Variants in THSD7A observed in about 807,000 individuals in gnomAD.
The protein encoded by THSD7A is thrombospondin type 1 domain containing 7A.
THSD7A carries 96 observed loss-of-function variants against 231.3 expected under a neutral mutation model. The ratio of observed to expected loss-of-function variants is 0.41; its 90% CI spans 0.35 to 0.49. The LOEUF is 0.49. Among genes scored for constraint, THSD7A ranks in the 20% least tolerant of loss-of-function variants. THSD7A has a pLI of 0.05. For synonymous variants in THSD7A, 940 were observed against 743.3 expected (o/e 1.26, Z -4.30); for missense variants, 2,290 against 2,070.2 (o/e 1.11, Z -2.06).
At chr7:11,643,092 T>G (rs1782147644) in intron 1 of THSD7A, among the ~76,000 whole-genome samples, 3 of 152,060 alleles carry the variant, frequency 2.0e-5, no homozygotes, top group Admixed American at 2.0e-4. Flanking sequence ...GAGAACTACT[T>G]TTTGTGCTTG....
intron 1 of THSD7A, among the ~76,000 whole-genome samples, chr7:11,682,673 C>T (rs1038132216): frequency 4.6e-5 from 7 of 152,004 alleles, no homozygotes; most frequent in African/African-American, 1.7e-4. Context: ...ACTTCAACAT[C>T]CTATTGACAG....
chr7:11,570,340 G>C (rs1790570105), intron 4 of THSD7A, among the ~76,000 whole-genome samples: 3 of 152,194 alleles, frequency 2.0e-5, no homozygotes, highest in Non-Finnish European at 2.9e-5. Context: ...AGTTACCAGA[G>C]ACAGAGAAGG....
chr7:11,588,216 T>C (rs1162420540), intron 4 of THSD7A, among the ~76,000 whole-genome samples: 4 of 152,190 alleles, frequency 2.6e-5, no homozygotes, highest in Non-Finnish European at 2.9e-5. Flanking sequence ...CATTCACACA[T>C]ATTTATAGAC....
intron 13 of THSD7A, among the ~76,000 whole-genome samples, chr7:11,441,653 T>C (rs1446888011): frequency 1.3e-5 from 2 of 152,038 alleles, no homozygotes; most frequent in Non-Finnish European, 2.9e-5. Flanking sequence ...ATATTACACA[T>C]TTTTTATTCA....
At chr7:11,589,757 G>A (rs766671006) in intron 4 of THSD7A, among the ~76,000 whole-genome samples, 1 of 152,268 alleles carries the variant, frequency 6.6e-6, no homozygotes, top group East Asian at 1.9e-4. Flanking sequence ...GTGAACTTAA[G>A]ATGTACTAAT....
At chr7:11,766,979 T>C (rs1311978843) in intron 1 of THSD7A, among the ~76,000 whole-genome samples, 1 of 152,190 alleles carries the variant, frequency 6.6e-6, no homozygotes, top group Non-Finnish European at 1.5e-5. Flanking sequence ...AAGGTCTTTG[T>C]TTCTAGAAAA....
In THSD7A at chr7:11,383,292, T is replaced by C. The variant is rs368352589; in HGVS notation, c.4412-676A>G. Among the ~76,000 whole-genome samples the C allele has an allele frequency of 1.1e-3, 170 of 152,188 alleles. 1 individual carries two copies. Among genetic ancestry groups the C allele is most frequent in the African/African-American group, 4.1e-3 (170 of 41,562 alleles). ...TACTTCTAAGTGATTTTAAAAAATG[T>C]AGTACAGTCAGTTTATTTTAACGGC... On this transcript the variant is annotated intron_variant, in intron 23 of 27. Transcript: ENST00000423059.
rs1783781694 is a variant in THSD7A, at chr7:11,411,401, C to T, written c.3683-79G>A. ...AAATGAAACTCTGATGACCTGAATC[C>T]CATATTTAATTCACAACTGCTTCCT... is the stretch of plus-strand genomic sequence containing the variant. On this transcript the variant is annotated intron_variant, in intron 18 of 27. Coordinates refer to ENST00000423059, the MANE Select transcript of THSD7A (RefSeq NM_015204.3). The surrounding 1 kb of genome is among the most constrained non-coding windows in gnomAD (Gnocchi z 4.1). 13 of 951,864 alleles carry T rather than the reference C, an allele frequency of 1.4e-5. No individual in the cohort carries two copies. The highest frequency in any genetic ancestry group is 2.1e-5 in the Non-Finnish European group (13 of 618,264). The allele number at this position is 951,864 out of a possible 1,614,324, so 59.0% of individuals were successfully genotyped here. A position where few individuals can be genotyped will look rare whatever the true frequency, so the allele number is the denominator to read the frequency against.
chr7:11,665,328 A>T (rs1783088749), intron 1 of THSD7A, among the ~76,000 whole-genome samples: 1 of 152,106 alleles, frequency 6.6e-6, no homozygotes, highest in Non-Finnish European at 1.5e-5. Context: ...TGCCAGCTGT[A>T]GAACAGCTTT....
intron 1 of THSD7A, among the ~76,000 whole-genome samples, chr7:11,803,885 C>T (rs987789053): frequency 6.6e-6 from 1 of 151,990 alleles, no homozygotes; most frequent in African/African-American, 2.4e-5. Flanking sequence ...GGATAAAAAC[C>T]AGTGCTCTAT....
Position 11,733,211 on chromosome 7 carries a change from A to C in THSD7A, c.191-96250T>G, listed in dbSNP as rs1781797124. Among the ~76,000 whole-genome samples the C allele has an allele frequency of 2.0e-5, 3 of 151,856 alleles. No homozygotes were observed. The South Asian group carries it at 6.2e-4, about 31-fold the overall frequency. ...CCTATTGAAGCAACTGAATGACAGG[A>C]ATGAGTCTTACATACTCATGGACTG... On this transcript the variant is annotated intron_variant, in intron 1 of 27. Coordinates refer to ENST00000423059, the MANE Select transcript of THSD7A (RefSeq NM_015204.3).
chr7:11,495,080 G>A (rs1019577784), intron 6 of THSD7A, among the ~76,000 whole-genome samples: 1 of 151,916 alleles, frequency 6.6e-6, no homozygotes, highest in African/African-American at 2.4e-5. Context: ...ATGCTTTTAT[G>A]GGCAACTTGA....
intron 9 of THSD7A, among the ~76,000 whole-genome samples, chr7:11,465,046 C>T (rs1203388961): frequency 2.0e-5 from 3 of 152,120 alleles, no homozygotes; most frequent in African/African-American, 7.2e-5. Flanking sequence ...TCATCATCCC[C>T]TGCTTGTATT....
chr7:11,395,788 A>C (rs1349066419), intron 23 of THSD7A, among the ~76,000 whole-genome samples: 1 of 152,110 alleles, frequency 6.6e-6, no homozygotes, highest in Non-Finnish European at 1.5e-5. Context: ...GGCCTCCCAA[A>C]GTGCTGGGAT....
intron 4 of THSD7A, 113 bp from the exon 5 acceptor site, chr7:11,543,230 A>C: frequency 1.1e-6 from 1 of 872,302 alleles, no homozygotes; most frequent in Non-Finnish European, 1.7e-6. Flanking sequence ...AGTGCTACCA[A>C]GACATTATTC....
Position 11,667,118 on chromosome 7 carries a change from T to C in THSD7A, c.191-30157A>G, listed in dbSNP as rs941281813. 3.3e-5 allele frequency among the ~76,000 whole-genome samples: 5 copies of C among 152,080 alleles called. No individual in the cohort carries two copies. The East Asian group carries it at 9.7e-4, about 29-fold the overall frequency. On this transcript the variant is annotated intron_variant, in intron 1 of 27. Transcript: ENST00000423059. The stretch of plus-strand genomic sequence containing the variant: ...TTTTTGATTACATGGATAAGTTCGT[T>C]AGTGGTGATGATTTCTGACATTTAA...
chr7:11,432,555 C>T (rs1326551589), intron 13 of THSD7A, among the ~76,000 whole-genome samples: 3 of 152,010 alleles, frequency 2.0e-5, no homozygotes, highest in Non-Finnish European at 4.4e-5. Flanking sequence ...TCATGTAAAT[C>T]GAATCATATA....
intron 6 of THSD7A, among the ~76,000 whole-genome samples, chr7:11,507,297 A>G (rs1260243399): frequency 6.6e-6 from 1 of 152,162 alleles, no homozygotes; most frequent in African/African-American, 2.4e-5. Context: ...AATTTCTAAT[A>G]TAAAGCCTTA....
In THSD7A at chr7:11,593,348, T is replaced by G. The variant is rs773655474; in HGVS notation, c.1177A>C (p.Arg393=). The change falls in exon 3 of 28, where the codon AGG becomes CGG. Residue 393 remains arginine, a synonymous_variant. Coordinates refer to ENST00000423059, the MANE Select transcript of THSD7A (RefSeq NM_015204.3). Reference sequence around the variant, plus strand: ...TTTTCACTGCCAATGGGAAACTGCCTGATGGTTCGTGTCCTTACACGAGTG... The same window carrying G: ...TTTTCACTGCCAATGGGAAACTGCCGGATGGTTCGTGTCCTTACACGAGTG... ...AGTRVRTRTI[R]QFPIGSEKEC... is the part of the protein sequence containing the mutation. 4.3e-6 allele frequency: 7 copies of G among 1,613,908 alleles called. No individual in the cohort carries two copies. The Admixed American group carries it at 1.0e-4, about 23-fold the overall frequency.
Sources: allele counts gnomAD v4.1 joint callset (sites outside exome capture counted in the v4.1 genomes callset), GRCh38; gene constraint gnomAD v4.1.1; non-coding constraint Gnocchi (gnomAD v3.1); transcripts MANE v1.5; gene names NCBI Gene and HGNC (gene_info 2026-07-23, HGNC 2026-07-21).